OR2V2: variants seen among roughly 807,000 people sequenced by gnomAD.
OR2V2 encodes olfactory receptor family 2 subfamily V member 2, also known as olfactory receptor 2V2.
For synonymous variants in OR2V2, 161 were observed against 151.3 expected (o/e 1.06, Z -0.47); for missense variants, 392 against 392.2 (o/e 1.00, Z 0.00).
chr5:181,154,802 A>C, intron 1 of OR2V2, 117 bp from the exon 2 acceptor site: 1 of 673,342 alleles, frequency 1.5e-6, no homozygotes, highest in South Asian at 1.8e-5. Context: ...ATTATGTCCC[A>C]AAGCTTCAGT....
chr5:181,155,366 T>A lies in OR2V2; in HGVS notation c.424T>A (p.Cys142Ser), dbSNP rs1763249279. 1.9e-6 allele frequency: 3 copies of A among 1,614,232 alleles called. No individual in the cohort carries two copies. In the South Asian group the frequency reaches 3.3e-5, roughly 18 times the overall value. Residue 142 changes from cysteine to serine, a missense_variant, in exon 2 of 2, where the codon TGT (cysteine) becomes AGT (serine). Cys to Ser is a moderately radical substitution (Grantham distance 112). Coordinates refer to ENST00000641492, the MANE Select transcript of OR2V2 (RefSeq NM_206880.2). ...HYPILMNQRV[C>S]LQITGSSWAF... ...TCCCATCCTCATGAATCAGAGGGTC[T>A]GTCTCCAGATTACTGGGAGCTCCTG... is the stretch of plus-strand genomic sequence containing the variant.
chr5:181,154,322 G>T (rs191743962), intron 1 of OR2V2, among the ~76,000 whole-genome samples: 2 of 152,262 alleles, frequency 1.3e-5, no homozygotes, highest in East Asian at 3.9e-4. Flanking sequence ...GGGCGCGGTG[G>T]CTCACACCTG....
intron 1 of OR2V2, among the ~76,000 whole-genome samples, chr5:181,149,466 C>T (rs1295722643): frequency 6.6e-6 from 1 of 152,202 alleles, no homozygotes; most frequent in Non-Finnish European, 1.5e-5. Flanking sequence ...CACTGGCCAT[C>T]TGGGGGGATG....
At chr5:181,149,607 A>T (rs1763168233) in intron 1 of OR2V2, among the ~76,000 whole-genome samples, 1 of 152,006 alleles carries the variant, frequency 6.6e-6, no homozygotes. Flanking sequence ...GCCCCACAGA[A>T]CCTCCCTCGT....
chr5:181,149,655 G>A (rs577903234), intron 1 of OR2V2, among the ~76,000 whole-genome samples: 9 of 152,274 alleles, frequency 5.9e-5, no homozygotes, highest in Non-Finnish European at 8.8e-5. Context: ...TCTTCCTTCC[G>A]CGGAGGACAC....
At position 181,157,942 on chromosome 5, in the gene OR2V2, T is replaced by TC. The variant is rs1375094373; in HGVS notation, c.*2054dup. 1 of 152,210 alleles carries TC rather than the reference T, an allele frequency of 6.6e-6. No homozygotes were observed. Among genetic ancestry groups the TC allele is most frequent in the African/African-American group, 2.4e-5 (1 of 41,456 alleles). 9.4% of individuals were successfully genotyped at this position (152,210 alleles called of 1,614,324 possible). A position where few individuals can be genotyped will look rare whatever the true frequency, so the allele number is the denominator to read the frequency against. On this transcript the variant is annotated 3_prime_UTR_variant, in exon 2 of 2. Coordinates refer to ENST00000641492, the MANE Select transcript of OR2V2 (RefSeq NM_206880.2). ...TAGAGCAAACTTAATCCAGCCCCCT[T>TC]CCGTGATGCAGAATTTTGGATCATA...
intron 1 of OR2V2, among the ~76,000 whole-genome samples, chr5:181,151,433 A>T (rs747827330): frequency 1.2e-4 from 19 of 152,186 alleles, no homozygotes; most frequent in Non-Finnish European, 2.5e-4. Context: ...GGGACCAATC[A>T]GGAGGCTGTA....
chr5:181,156,039 G>GTTCGTTCTTTCT lies in OR2V2; in HGVS notation c.*152_*153insGTTCTTTCTTTC, dbSNP rs1554096515. On this transcript the variant is annotated 3_prime_UTR_variant, in exon 2 of 2. Transcript: ENST00000641492. Reference sequence around the variant, plus strand: ...GAAGGTCTTTTTAAACACTACATCAGTTCTTTCTTTCTTTCTTTCTTTCTT... The same window carrying GTTCGTTCTTTCT: ...GAAGGTCTTTTTAAACACTACATCAGTTCGTTCTTTCTTTCTTTCTTTCTTTCTTTCTTTCTT... The GTTCGTTCTTTCT allele has an allele frequency of 5.6e-3, 2,781 of 495,238 alleles. 11 individuals are homozygous for GTTCGTTCTTTCT. The highest frequency in any genetic ancestry group is 7.5e-3 in the Non-Finnish European group (2,197 of 291,790). 30.7% of individuals were successfully genotyped at this position (495,238 alleles called of 1,614,324 possible).
rs1763261760 is a variant in OR2V2 at position 181,156,046 on chromosome 5, C to CTTTCTTTCTTTCTTTCTTTT, written c.*175_*176insTTTTCTTTCTTTCTTTCTTT. 5.8e-6 allele frequency: 3 copies of CTTTCTTTCTTTCTTTCTTTT among 519,506 alleles called. No individual in the cohort carries two copies. In the African/African-American group the frequency reaches 6.7e-5, roughly 12 times the overall value. The allele number at this position is 519,506 out of a possible 1,614,324, so 32.2% of individuals were successfully genotyped here. On this transcript the variant is annotated 3_prime_UTR_variant, in exon 2 of 2. Transcript: ENST00000641492. ...TTTTTAAACACTACATCAGTTCTTT[C>CTTTCTTTCTTTCTTTCTTTT]TTTCTTTCTTTCTTTCTTTCTTTCT...
rs59712201 is a variant in OR2V2 at position 181,156,039 on chromosome 5, G to GTTCTTTCT, written c.*176_*183dup. On this transcript the variant is annotated 3_prime_UTR_variant, in exon 2 of 2. Transcript: ENST00000641492. ...GAAGGTCTTTTTAAACACTACATCA[G>GTTCTTTCT]TTCTTTCTTTCTTTCTTTCTTTCTT... 0.01 allele frequency: 5,098 copies of GTTCTTTCT among 494,678 alleles called. 48 individuals are homozygous for GTTCTTTCT. The highest frequency in any genetic ancestry group is 0.018 in the Middle Eastern group (54 of 3,000). The allele number at this position is 494,678 out of a possible 1,614,324, so 30.6% of individuals were successfully genotyped here. A position where few individuals can be genotyped will look rare whatever the true frequency, so the allele number is the denominator to read the frequency against.
chr5:181,149,465 T>C (rs569688075), intron 1 of OR2V2, among the ~76,000 whole-genome samples: 5 of 152,242 alleles, frequency 3.3e-5, no homozygotes, highest in Admixed American at 3.3e-4. Flanking sequence ...CCACTGGCCA[T>C]CTGGGGGGAT....
At chr5:181,149,962 C>T (rs551993463) in intron 1 of OR2V2, among the ~76,000 whole-genome samples, 22 of 152,306 alleles carry the variant, frequency 1.4e-4, no homozygotes, top group South Asian at 8.3e-4. Context: ...CCTCTGAACA[C>T]GGTAGTAGGG....
At chr5:181,148,507 A>G (rs1375547195) in intron 1 of OR2V2, among the ~76,000 whole-genome samples, 1 of 152,246 alleles carries the variant, frequency 6.6e-6, no homozygotes, top group Admixed American at 6.5e-5. Flanking sequence ...GAAGTTAGAG[A>G]GCAGGAAAAT....
intron 1 of OR2V2, 114 bp from the exon 2 acceptor site, chr5:181,154,805 G>A (rs182413065): frequency 1.2e-5 from 8 of 678,648 alleles, no homozygotes; most frequent in Admixed American, 4.9e-5. Context: ...ATGTCCCAAA[G>A]CTTCAGTTGT....
At chr5:181,154,614 ATC>A (rs1763233960) in intron 1 of OR2V2, among the ~76,000 whole-genome samples, 1 of 149,096 alleles carries the variant, frequency 6.7e-6, no homozygotes, top group African/African-American at 2.5e-5. Context: ...AAGACTCTGT[ATC>A]ATATGGTACA....
intron 1 of OR2V2, among the ~76,000 whole-genome samples, chr5:181,154,057 A>C (rs977159935): frequency 6.6e-6 from 1 of 152,200 alleles, no homozygotes; most frequent in African/African-American, 2.4e-5. Flanking sequence ...GACACCGTCC[A>C]TCGCAACTCT....
intron 1 of OR2V2, among the ~76,000 whole-genome samples, chr5:181,153,206 C>T (rs926769177): frequency 3.9e-5 from 6 of 152,298 alleles, no homozygotes; most frequent in African/African-American, 1.2e-4. Context: ...GACTCAGAGT[C>T]GGAATACGGT....
rs1554096514 is a variant in OR2V2 at position 181,156,071 on chromosome 5, T to TTTCTTTCTTTCTTTCA, written c.*183_*184insCTTTCTTTCTTTCATT. 9.1e-6 allele frequency: 4 copies of TTTCTTTCTTTCTTTCA among 438,776 alleles called. No homozygotes were observed. In the African/African-American group the frequency reaches 1.5e-4, roughly 16 times the overall value. The allele number at this position is 438,776 out of a possible 1,614,324, so 27.2% of individuals were successfully genotyped here. A position where few individuals can be genotyped will look rare whatever the true frequency, so the allele number is the denominator to read the frequency against. ...CTTTCTTTCTTTCTTTCTTTCTTTC[T>TTTCTTTCTTTCTTTCA]TTTGTTCTTTCTTTCGTTCTTTCTT... On this transcript the variant is annotated 3_prime_UTR_variant, in exon 2 of 2. Transcript: ENST00000641492.
rs1763245404 is a variant in OR2V2 at position 181,155,276 on chromosome 5, G to A, written c.334G>A (p.Glu112Lys). 6.2e-7 allele frequency: 1 copy of A among 1,614,066 alleles called. No homozygotes were observed. Among genetic ancestry groups the A allele is most frequent in the Admixed American group, 1.7e-5 (1 of 60,006 alleles). ...IGLFVCLVGS[E>K]GLLLGLMAYD... ...CCTCTTTGTCTGTCTTGTGGGATCT[G>A]AGGGGCTCTTGCTGGGACTCATGGC... The change falls in exon 2 of 2, where the codon GAG becomes AAG. Residue 112 changes from glutamate (E) to lysine (K), a missense_variant. Physicochemically the swap from Glu to Lys is moderately conservative, Grantham distance 56. Coordinates refer to ENST00000641492, the MANE Select transcript of OR2V2 (RefSeq NM_206880.2).
Sources: gnomAD v4.1 joint callset for allele counts (sites outside exome capture counted in the v4.1 genomes callset) on GRCh38, gnomAD v4.1.1 for gene constraint, MANE v1.5 for transcripts, NCBI Gene and HGNC (gene_info 2026-07-23, HGNC 2026-07-21) for gene names.